CNTN4: variants seen among roughly 807,000 people sequenced by gnomAD.
The protein encoded by CNTN4 is contactin 4.
Under a neutral mutation model 122.5 loss-of-function variants are expected in CNTN4, and 77 were observed. The observed-to-expected ratio is 0.63, with a 90% CI of 0.52 to 0.76. The LOEUF is 0.76. CNTN4 is among the 30% of genes least tolerant of loss of function. The pLI is 0.00. For synonymous variants in CNTN4, 512 were observed against 447.0 expected, an observed-to-expected ratio of 1.15 and a Z score of -1.83; for missense variants, 1,256 against 1,259.1, an observed-to-expected ratio of 1.00 and a Z score of 0.04.
At chr3:2,736,016 T>A in intron 4 of CNTN4, 199 bp from the exon 5 acceptor site, 1 of 710,738 alleles carries the variant, frequency 1.4e-6, no homozygotes, top group East Asian at 2.8e-5. Flanking sequence ...ATAAGAGGGC[T>A]TATATTTTCA....
At chr3:2,982,536 G>A (rs1384642999) in intron 13 of CNTN4, among the ~76,000 whole-genome samples, 1 of 152,016 alleles carries the variant, frequency 6.6e-6, no homozygotes, top group African/African-American at 2.4e-5. Flanking sequence ...CTTCCTTAAG[G>A]CATGCTTTCT....
At chr3:2,411,064 G>A (rs2047209435) in intron 3 of CNTN4, among the ~76,000 whole-genome samples, 1 of 152,074 alleles carries the variant, frequency 6.6e-6, no homozygotes, top group African/African-American at 2.4e-5. Flanking sequence ...TCTCTTCTGT[G>A]GTTATTATGT....
chr3:2,948,595 C>G (rs2094703782), intron 13 of CNTN4, among the ~76,000 whole-genome samples: 1 of 152,266 alleles, frequency 6.6e-6, no homozygotes, highest in East Asian at 1.9e-4. Context: ...AAATATTTTT[C>G]TGTCTTTTTT....
At chr3:2,340,082 T>C (rs1360532583) in intron 3 of CNTN4, among the ~76,000 whole-genome samples, 2 of 152,110 alleles carry the variant, frequency 1.3e-5, no homozygotes, top group African/African-American at 4.8e-5. Context: ...CCCATGCTAA[T>C]CTAATATGAT....
chr3:2,321,547 C>T (rs996455041), intron 2 of CNTN4, among the ~76,000 whole-genome samples: 2 of 151,896 alleles, frequency 1.3e-5, no homozygotes, highest in Non-Finnish European at 2.9e-5. Flanking sequence ...ATTATTGTCA[C>T]TTTCAATCAC....
At chr3:2,765,194 A>C (rs1418661565) in intron 6 of CNTN4, among the ~76,000 whole-genome samples, 3 of 152,206 alleles carry the variant, frequency 2.0e-5, no homozygotes, top group Non-Finnish European at 4.4e-5. Context: ...TTTGCCAGTA[A>C]GTGGCAGTGC....
intron 6 of CNTN4, among the ~76,000 whole-genome samples, chr3:2,783,817 T>C (rs2149889923): frequency 6.6e-6 from 1 of 152,336 alleles, no homozygotes; most frequent in African/African-American, 2.4e-5. Context: ...ATTGCTGCTG[T>C]TCCTAATCCA....
At chr3:2,549,800 TA>T (rs1308305770) in intron 3 of CNTN4, among the ~76,000 whole-genome samples, 1 of 152,172 alleles carries the variant, frequency 6.6e-6, no homozygotes, top group African/African-American at 2.4e-5. Context: ...GTACCTCTGG[TA>T]GAATTCAGCT....
At chr3:2,538,507 C>T (rs1324937613) in intron 3 of CNTN4, among the ~76,000 whole-genome samples, 1 of 151,292 alleles carries the variant, frequency 6.6e-6, no homozygotes, top group African/African-American at 2.4e-5. Context: ...TAGTTATTTC[C>T]CAAATTAAAA....
intron 13 of CNTN4, among the ~76,000 whole-genome samples, chr3:2,957,185 T>A (rs946780380): frequency 6.6e-6 from 1 of 150,870 alleles, no homozygotes; most frequent in African/African-American, 2.4e-5. Flanking sequence ...ATGGTAGTTC[T>A]AATTTAAATT....
At chr3:2,138,593 G>A (rs2034827670) in intron 2 of CNTN4, among the ~76,000 whole-genome samples, 1 of 152,106 alleles carries the variant, frequency 6.6e-6, no homozygotes, top group African/African-American at 2.4e-5. Context: ...TTCACTGAGG[G>A]CATGAATAGA....
chr3:2,668,378 A>C (rs182120345), intron 4 of CNTN4, among the ~76,000 whole-genome samples: 1,601 of 152,168 alleles, frequency 0.011, 31 homozygotes, highest in African/African-American at 0.037. Flanking sequence ...TTCACTCATG[A>C]TTTGGCTCTC....
intron 13 of CNTN4, among the ~76,000 whole-genome samples, chr3:2,948,048 C>T (rs1015877692): frequency 1.3e-5 from 2 of 152,054 alleles, no homozygotes; most frequent in Non-Finnish European, 2.9e-5. Flanking sequence ...TTACCAGTCA[C>T]AAGCCATGTG....
intron 4 of CNTN4, among the ~76,000 whole-genome samples, chr3:2,649,236 T>TAA (rs2083260880): frequency 6.6e-6 from 1 of 152,166 alleles, no homozygotes; most frequent in Non-Finnish European, 1.5e-5. Context: ...AAAAAACAGA[T>TAA]TTTAAATGTA....
In CNTN4 at chr3:3,057,290, T is replaced by C. The variant is rs1367768811; in HGVS notation, c.*1070T>C. 1.3e-5 allele frequency: 2 copies of C among 152,658 alleles called. No homozygotes were observed. The highest frequency in any genetic ancestry group is 2.9e-5 in the Non-Finnish European group (2 of 68,036). The allele number at this position is 152,658 out of a possible 1,614,324, so 9.5% of individuals were successfully genotyped here. A position where few individuals can be genotyped will look rare whatever the true frequency, so the allele number is the denominator to read the frequency against. The stretch of plus-strand genomic sequence containing the variant: ...GGAAGATTGCTCCTATTTCAACAAA[T>C]AGTTGCTGCAAGAATTTTTAATATG... On this transcript the variant is annotated 3_prime_UTR_variant, in exon 25 of 25. Transcript: ENST00000418658.
intron 4 of CNTN4, among the ~76,000 whole-genome samples, chr3:2,584,502 G>A (rs1054038696): frequency 2.0e-5 from 3 of 151,860 alleles, no homozygotes; most frequent in Non-Finnish European, 2.9e-5. Flanking sequence ...CCAGGAGATC[G>A]AGAACAGCCT....
chr3:2,297,635 C>A (rs1394359175), intron 2 of CNTN4, among the ~76,000 whole-genome samples: 1 of 152,186 alleles, frequency 6.6e-6, no homozygotes, highest in East Asian at 1.9e-4. Context: ...CGTCTACCTA[C>A]AAATAAATTT....
At chr3:2,972,417 A>G (rs763126336) in intron 13 of CNTN4, among the ~76,000 whole-genome samples, 1 of 152,154 alleles carries the variant, frequency 6.6e-6, no homozygotes, top group African/African-American at 2.4e-5. Context: ...ACAGTTCTGC[A>G]TGACTTGATC....
intron 3 of CNTN4, among the ~76,000 whole-genome samples, chr3:2,350,951 C>A (rs1442805267): frequency 3.9e-5 from 6 of 152,150 alleles, no homozygotes; most frequent in African/African-American, 1.4e-4. Context: ...ATTAATGCAG[C>A]CTCCCAACGC....
Sources: gnomAD v4.1 joint callset for allele counts (sites outside exome capture counted in the v4.1 genomes callset) on GRCh38, gnomAD v4.1.1 for gene constraint, MANE v1.5 for transcripts, NCBI Gene and HGNC (gene_info 2026-07-23, HGNC 2026-07-21) for gene names.